Variants in ATR observed in about 807,000 individuals in gnomAD.
ATR encodes serine/threonine-protein kinase ATR.
In ATR, 142 loss-of-function variants were observed where a neutral mutation model predicts 305.3. The ratio of observed to expected loss-of-function variants is 0.47; its 90% confidence interval spans 0.41 to 0.53. The LOEUF (loss-of-function observed/expected upper bound fraction) is 0.53. Among genes scored for constraint, ATR ranks in the 20% least tolerant of loss-of-function variants. The probability of loss-of-function intolerance (pLI) is 0.00; values close to 1 mark genes in which losing one functional copy is unlikely to be tolerated. For synonymous variants in ATR, 1,050 were observed against 1,068.1 expected (o/e 0.98, Z 0.33); for missense variants, 2,135 against 3,133.1 (o/e 0.68, Z 7.60).
intron 35 of ATR, among the ~76,000 whole-genome samples, chr3:142,489,340 T>A (rs1335885873): frequency 6.6e-6 from 1 of 151,998 alleles, no homozygotes; most frequent in Admixed American, 6.6e-5. Context: ...GTCTCAAAAA[T>A]AAAATAAAGT....
intron 1 of ATR, among the ~76,000 whole-genome samples, chr3:142,578,081 G>C (rs996111517): frequency 4.6e-5 from 7 of 152,176 alleles, no homozygotes; most frequent in Non-Finnish European, 7.3e-5. Context: ...CGATCAATAC[G>C]AGGGAGGTCA....
At position 142,505,217 on chromosome 3, in the gene ATR, G is replaced by A. The variant is rs1012198599; in HGVS notation, c.5118C>T (p.Ile1706=). ...GCAAGCCAAGGCTTTCATGTTCAAG[G>A]ATCTGTTCTTTTAGAGATGGTTCTG... The part of the protein sequence containing the change: ...RKAEPSLKEQ[I]LEHESLGLLR... The change falls in exon 29 of 47, where the codon ATC becomes ATT. Residue 1706 remains isoleucine, a synonymous_variant. Transcript: ENST00000350721. 1 of 1,614,090 alleles carries A rather than the reference G, an allele frequency of 6.2e-7. No individual in the cohort carries two copies.
chr3:142,519,996 T>C (rs1305806158), intron 23 of ATR, among the ~76,000 whole-genome samples: 2 of 152,194 alleles, frequency 1.3e-5, no homozygotes, highest in Non-Finnish European at 2.9e-5. Flanking sequence ...AGTAAATCTA[T>C]CAGTGCCATT....
At chr3:142,578,453 C>A (rs1009855531) in intron 1 of ATR, among the ~76,000 whole-genome samples, 193 bp downstream of exon 1, 1 of 152,330 alleles carries the variant, frequency 6.6e-6, no homozygotes, top group East Asian at 1.9e-4. Context: ...AGGTTTGTGG[C>A]GACTGCCCCA....
chr3:142,566,004 T>G, intron 3 of ATR, 117 bp downstream of exon 3: 1 of 1,409,586 alleles, frequency 7.1e-7, no homozygotes, highest in Non-Finnish European at 1.0e-6. Flanking sequence ...CTCCTTCAAT[T>G]TATAGCAAAG....
At chr3:142,509,545 ATTTTTTTTTTTTTTTT>A (rs71629538) in intron 27 of ATR, among the ~76,000 whole-genome samples, 2 of 73,818 alleles carry the variant, frequency 2.7e-5, no homozygotes, top group South Asian at 4.8e-4. Flanking sequence ...TCAAATTCTG[ATTTTTTTTTTTTTTTT>A]TTTTTTTTTT....
chr3:142,518,521 A>C (rs1385176241), intron 24 of ATR, among the ~76,000 whole-genome samples: 2 of 152,226 alleles, frequency 1.3e-5, no homozygotes, highest in East Asian at 3.8e-4. Context: ...TGTCTCAAAA[A>C]TAATAATAAT....
intron 36 of ATR, among the ~76,000 whole-genome samples, chr3:142,478,673 T>A (rs1183040622): frequency 6.6e-6 from 1 of 152,190 alleles, no homozygotes; most frequent in Admixed American, 6.5e-5. Context: ...TTGATCTGTC[T>A]AATGTTGACA....
intron 27 of ATR, among the ~76,000 whole-genome samples, chr3:142,511,469 A>G (rs1272053715): frequency 6.6e-6 from 1 of 151,976 alleles, no homozygotes; most frequent in Non-Finnish European, 1.5e-5. Context: ...CAGCCTGGCC[A>G]ACATGGTGAA....
intron 30 of ATR, among the ~76,000 whole-genome samples, chr3:142,502,767 A>G (rs979621125): frequency 4.6e-5 from 7 of 152,270 alleles, no homozygotes; most frequent in Non-Finnish European, 1.0e-4. Context: ...GAATAAATCA[A>G]GGAATACAGC....
chr3:142,518,738 T>G (rs2033017704), intron 24 of ATR, among the ~76,000 whole-genome samples: 1 of 152,192 alleles, frequency 6.6e-6, no homozygotes, highest in Non-Finnish European at 1.5e-5. Flanking sequence ...AAGAAGTTAT[T>G]TGTCCAAAGT....
chr3:142,523,850 G>T, intron 22 of ATR, 143 bp downstream of exon 22: 3 of 911,578 alleles, frequency 3.3e-6, no homozygotes, highest in Non-Finnish European at 4.8e-6. Flanking sequence ...AATAGTAAAA[G>T]AAATAAACTC....
chr3:142,450,996 T>C (rs2070775892), intron 46 of ATR: 1 of 1,235,596 alleles, frequency 8.1e-7, no homozygotes, highest in African/African-American at 1.6e-5. Context: ...CAACAAGCTG[T>C]GAACTACACC....
chr3:142,450,770 G>A (rs2070769696), intron 46 of ATR: 4 of 1,482,644 alleles, frequency 2.7e-6, no homozygotes, highest in East Asian at 2.5e-5. Flanking sequence ...AATATCATTC[G>A]TTATCACACT....
At chr3:142,455,886 A>C (rs563347625) in intron 45 of ATR, among the ~76,000 whole-genome samples, 1 of 152,386 alleles carries the variant, frequency 6.6e-6, no homozygotes, top group South Asian at 2.1e-4. Context: ...AAAAAAACAA[A>C]TTAGACTGCA....
chr3:142,480,141 C>A (rs565434619), intron 36 of ATR, among the ~76,000 whole-genome samples: 1 of 152,218 alleles, frequency 6.6e-6, no homozygotes, highest in Non-Finnish European at 1.5e-5. Context: ...GAGCTGCGTT[C>A]CTTTGGAGGA....
rs777692201 is a variant in ATR at position 142,469,569 on chromosome 3, G to A, written c.6320C>T (p.Ala2107Val). Residue 2107 changes from alanine (A) to valine (V), a missense_variant and splice_region_variant, in exon 38 of 47, where the codon GCT becomes GTT. Physicochemically the swap from Ala to Val is moderately conservative, Grantham distance 64 (BLOSUM62 0). Transcript: ENST00000350721. ...CATTTGTACACGATCGGAGCGGCCA[G>A]CTGGGGGAAGAAATAAGTTTAAAAA... The part of the protein sequence containing the change: ...YGTKAYEWEK[A>V]GRSDRVQMRN... The A allele has an allele frequency of 6.2e-7, 1 of 1,606,862 alleles. No individual in the cohort carries two copies. The highest frequency in any genetic ancestry group is 8.5e-7 in the Non-Finnish European group (1 of 1,173,564).
At chr3:142,482,951 C>T (rs2030623883) in intron 36 of ATR, among the ~76,000 whole-genome samples, 1 of 150,362 alleles carries the variant, frequency 6.7e-6, no homozygotes, top group Non-Finnish European at 1.5e-5. Flanking sequence ...TGTGACACAG[C>T]CCTCAGGAGA....
rs76852171 is a variant in ATR, at chr3:142,547,936, A to T, written c.3172-26T>A. ...CTAACCCAAAGACATGTTAAAAAAA[A>T]TTTTTTTCTTCATACTAATATCCTG... is the stretch of plus-strand genomic sequence containing the variant. On this transcript the variant is annotated intron_variant, in intron 15 of 46. Coordinates refer to ENST00000350721, the MANE Select transcript of ATR (RefSeq NM_001184.4). The T allele has an allele frequency of 0.036, 58,005 of 1,608,392 alleles. 1,265 individuals carry two copies. Among genetic ancestry groups the T allele is most frequent in the African/African-American group, 0.095 (7,080 of 74,786 alleles).
Sources: gnomAD v4.1 joint callset for allele counts (sites outside exome capture counted in the v4.1 genomes callset) on GRCh38, gnomAD v4.1.1 for gene constraint, MANE v1.5 for transcripts, NCBI Gene and HGNC (gene_info 2026-07-23, HGNC 2026-07-21) for gene names.